Variants in PZP observed in about 807,000 individuals in gnomAD.
PZP encodes the protein pregnancy zone protein.
A neutral mutation model predicts 179.8 loss-of-function variants in PZP; 150 were observed. The ratio of observed to expected loss-of-function variants is 0.83; its 90% CI spans 0.73 to 0.96. The LOEUF (loss-of-function observed/expected upper bound fraction) is 0.96, where lower values mean the gene tolerates loss of function less well. Ranked by LOEUF, PZP falls within the 40% of genes least tolerant of loss-of-function variation. The probability of loss-of-function intolerance (pLI) is 0.00; values close to 1 mark genes in which losing one functional copy is unlikely to be tolerated. For synonymous variants in PZP, 624 were observed against 652.3 expected, an observed-to-expected ratio of 0.96 and a Z score of 0.66; for missense variants, 1,689 against 1,764.0, an observed-to-expected ratio of 0.96 and a Z score of 0.76.
At chr12:9,204,657 A>G (rs765379272) in intron 1 of PZP, among the ~76,000 whole-genome samples, 1 of 152,156 alleles carries the variant, frequency 6.6e-6, no homozygotes, top group Admixed American at 6.5e-5. Flanking sequence ...ACACAAACAC[A>G]CACTGTATTT....
chr12:9,146,778 T>A (rs1940030715), downstream of PZP, among the ~76,000 whole-genome samples: 1 of 152,152 alleles, frequency 6.6e-6, no homozygotes, highest in African/African-American at 2.4e-5. Flanking sequence ...GTTATAGTGT[T>A]CACCACTTCA....
chr12:9,148,954 A>G lies in PZP; in HGVS notation c.*18T>C. ...TATAGGACAGAGAATCCACCAAAAT[A>G]TACAGCCTGTATGGTCCTCAAACAT... On this transcript the variant is annotated 3_prime_UTR_variant, in exon 36 of 36. Transcript: ENST00000261336. 6.2e-7 allele frequency: 1 copy of G among 1,602,484 alleles called. No homozygotes were observed. The highest frequency in any genetic ancestry group is 8.6e-7 in the Non-Finnish European group (1 of 1,169,562).
chr12:9,200,874 A>T lies in PZP; in HGVS notation c.670+18T>A. ...GGAACCAAAATGTTATGCCTTTTTC[A>T]TCTTCCATAATCCATACCAAATTCC... On this transcript the variant is annotated intron_variant, in intron 6 of 35. Transcript: ENST00000261336. 2 of 1,591,836 alleles carry T rather than the reference A, an allele frequency of 1.3e-6. No individual in the cohort carries two copies. The highest frequency in any genetic ancestry group is 1.4e-5 in the African/African-American group (1 of 73,886).
At chr12:9,149,276 A>G (rs1288183745) in intron 35 of PZP, among the ~76,000 whole-genome samples, 2 of 152,234 alleles carry the variant, frequency 1.3e-5, no homozygotes, top group Admixed American at 6.5e-5. Context: ...TTAGTTGACC[A>G]TTGTGTTGAA....
chr12:9,140,092 G>C, the PZP span, among the ~76,000 whole-genome samples: 1 of 152,150 alleles, frequency 6.6e-6, no homozygotes, highest in Non-Finnish European at 1.5e-5. Flanking sequence ...AATGTTTCTG[G>C]TCAGAGATGT....
At chr12:9,171,480 G>A (rs1278870215) in intron 15 of PZP, among the ~76,000 whole-genome samples, 1 of 152,220 alleles carries the variant, frequency 6.6e-6, no homozygotes, top group Non-Finnish European at 1.5e-5. Flanking sequence ...CACCTCACCA[G>A]CAAGGGCACA....
downstream of PZP, among the ~76,000 whole-genome samples, chr12:9,145,207 TGTTA>T (rs1939945680): frequency 1.3e-5 from 2 of 152,358 alleles, no homozygotes; most frequent in East Asian, 3.9e-4. Flanking sequence ...ATTTTTGCCA[TGTTA>T]GTTGTTTTAT....
At chr12:9,154,549 G>C in intron 29 of PZP, 67 bp downstream of exon 29, 2 of 1,408,678 alleles carry the variant, frequency 1.4e-6, no homozygotes, top group East Asian at 2.3e-5. Flanking sequence ...TCCATTAACT[G>C]TTCTACTTTT....
chr12:9,181,245 T>G, intron 14 of PZP, 113 bp from the exon 15 acceptor site: 1 of 1,344,202 alleles, frequency 7.4e-7, no homozygotes, highest in Non-Finnish European at 1.0e-6. Flanking sequence ...ATGTTGGTAA[T>G]GTCAGTCAGA....
intron 10 of PZP, among the ~76,000 whole-genome samples, chr12:9,194,631 AT>A (rs1181676602): frequency 6.6e-6 from 1 of 151,712 alleles, no homozygotes; most frequent in East Asian, 1.9e-4. Flanking sequence ...CGCCCAGCTA[AT>A]TTTTTGTATT....
Position 9,168,941 on chromosome 12 carries a change from T to G in PZP, c.2035A>C (p.Ile679Leu), listed in dbSNP as rs199871148. 1.2e-6 allele frequency: 2 copies of G among 1,613,964 alleles called. No homozygotes were observed. The highest frequency in any genetic ancestry group is 2.7e-5 in the African/African-American group (2 of 75,060). ...ACTGAACACGACTTTGGTTTTCGGATTTTTGAGTTAGTGAACACCTTCAAT... is the reference window on the plus strand; with the variant it reads ...ACTGAACACGACTTTGGTTTTCGGAGTTTTGAGTTAGTGAACACCTTCAAT... ...MGLKVFTNSKIRKPKSCSVIP... is the reference protein window; with the variant it reads ...MGLKVFTNSKLRKPKSCSVIP... Residue 679 changes from isoleucine (I) to leucine (L), a missense_variant, in exon 17 of 36, where the codon ATC (isoleucine) becomes CTC (leucine). Coordinates refer to ENST00000261336, the MANE Select transcript of PZP (RefSeq NM_002864.3).
chr12:9,188,188 A>ACTTCATC (rs1943244111), intron 13 of PZP, among the ~76,000 whole-genome samples: 1 of 152,244 alleles, frequency 6.6e-6, no homozygotes, highest in Admixed American at 6.5e-5. Flanking sequence ...GATCAAGTAG[A>ACTTCATC]CTTCATCCCT....
intron 2 of PZP, 94 bp downstream of exon 2, chr12:9,203,674 C>T: frequency 7.0e-7 from 1 of 1,433,472 alleles, no homozygotes; most frequent in Admixed American, 1.9e-5. Flanking sequence ...AAAGTCATAC[C>T]TTGGGATCGC....
rs879728927 is a variant in PZP at position 9,154,737 on chromosome 12, A to T, written c.3653T>A (p.Val1218Glu). 3 of 1,614,140 alleles carry T rather than the reference A, an allele frequency of 1.9e-6. No individual in the cohort carries two copies. Among genetic ancestry groups the T allele is most frequent in the Non-Finnish European group, 2.5e-6 (3 of 1,180,038 alleles). The change falls in exon 29 of 36, where the codon GTG (valine) becomes GAG (glutamate). Residue 1218 changes from valine to glutamate, a missense_variant. Transcript: ENST00000261336. ...PSAEVEMTSY[V>E]LLAYLTAQPA... ...CTGGGCCGTGAGATAAGCGAGGAGC[A>T]CATAGGATGTCATCTCCACCTCAGC...
chr12:9,138,097 G>C, the PZP span, among the ~76,000 whole-genome samples: 1 of 151,954 alleles, frequency 6.6e-6, no homozygotes, highest in Non-Finnish European at 1.5e-5. Flanking sequence ...CCTTGCTCCT[G>C]TTCTTAAAGG....
At chr12:9,163,105 G>GAGAT (rs139732479) in intron 21 of PZP, among the ~76,000 whole-genome samples, 1,579 of 152,200 alleles carry the variant, frequency 0.01, 27 homozygotes, top group African/African-American at 0.036. Context: ...AAAATGGGAA[G>GAGAT]AGATAATAAG....
chr12:9,178,119 A>G (rs1199383512), intron 15 of PZP, among the ~76,000 whole-genome samples: 1 of 152,210 alleles, frequency 6.6e-6, no homozygotes. Context: ...GATTATAGCA[A>G]TCCCCCAATC....
rs375836487 is a variant in PZP, at chr12:9,157,247, A to G, written c.3478T>C (p.Phe1160Leu). The G allele has an allele frequency of 5.0e-6, 8 of 1,613,994 alleles. No individual in the cohort carries two copies. The highest frequency in any genetic ancestry group is 3.3e-5 in the Admixed American group (2 of 60,006). ...VYTKALLAYA[F>L]SLLGKQNQNR... Reference sequence around the variant, plus strand: ...TGATTTTGCTTTCCCAGTAGGGAAAAAGCATAGGCCAGCAATGCCTTGGTG... The same window carrying G: ...TGATTTTGCTTTCCCAGTAGGGAAAGAGCATAGGCCAGCAATGCCTTGGTG... The change falls in exon 28 of 36, where the codon TTT becomes CTT. Residue 1160 changes from phenylalanine to leucine, a missense_variant. Transcript: ENST00000261336.
chr12:9,141,432 C>T, the PZP span, among the ~76,000 whole-genome samples: 5 of 152,136 alleles, frequency 3.3e-5, no homozygotes, highest in Non-Finnish European at 7.4e-5. Flanking sequence ...TCTATAGACC[C>T]TTTTTAACCC....
Sources: gnomAD v4.1 joint callset for allele counts (sites outside exome capture counted in the v4.1 genomes callset) on GRCh38, gnomAD v4.1.1 for gene constraint, MANE v1.5 for transcripts, NCBI Gene and HGNC (gene_info 2026-07-23, HGNC 2026-07-21) for gene names.